The following CIT variants were observed in gnomAD, a reference collection of about 807,000 sequenced individuals.
CIT encodes citron Rho-interacting kinase.
A neutral mutation model predicts 272.7 loss-of-function variants in CIT; 79 were observed. That is an observed-to-expected ratio of 0.29 (90% confidence interval 0.24 to 0.35). The LOEUF is 0.35. Ranked by LOEUF, CIT falls within the 10% of genes least tolerant of loss-of-function variation. The probability of loss-of-function intolerance (pLI) is 1.00; values close to 1 mark genes in which losing one functional copy is unlikely to be tolerated. For synonymous variants in CIT, 948 were observed against 995.6 expected, an observed-to-expected ratio of 0.95 and a Z score of 0.90; for missense variants, 1,909 against 2,618.3, an observed-to-expected ratio of 0.73 and a Z score of 5.91.
At position 119,784,412 on chromosome 12, in the gene CIT, T is replaced by A; in HGVS notation, c.1402-361A>T. The A allele has an allele frequency of 8.2e-7, 1 of 1,221,360 alleles. No individual in the cohort carries two copies. Among genetic ancestry groups the A allele is most frequent in the Non-Finnish European group, 1.0e-6 (1 of 962,182 alleles). The allele number at this position is 1,221,360 out of a possible 1,614,324, so 75.7% of individuals were successfully genotyped here. A position where few individuals can be genotyped will look rare whatever the true frequency, so the allele number is the denominator to read the frequency against. On this transcript the variant is annotated intron_variant, in intron 11 of 47. Coordinates refer to ENST00000392521, the MANE Select transcript of CIT (RefSeq NM_001206999.2). This position sits in a 1 kb window ranked among gnomAD's most constrained non-coding sequence, Gnocchi z 4.7. ...AAATCCATCTTGATCCCCCCCCATC[T>A]CCTTGCAAAGATCTAGAGGACAAAT... is the stretch of plus-strand genomic sequence containing the variant.
chr12:119,689,539 C>T (rs748760278), intron 47 of CIT, among the ~76,000 whole-genome samples: 1 of 152,126 alleles, frequency 6.6e-6, no homozygotes, highest in Non-Finnish European at 1.5e-5. Flanking sequence ...CAGAATATCT[C>T]TAGAAACTGC....
At chr12:119,869,013 T>C (rs1566149622) in intron 3 of CIT, 47 bp downstream of exon 3, 2 of 1,601,024 alleles carry the variant, frequency 1.2e-6, no homozygotes, top group Non-Finnish European at 1.7e-6. Context: ...ATCTTTCTAG[T>C]TTTTCTCTCT....
chr12:119,835,511 G>T (rs779526394), intron 5 of CIT, among the ~76,000 whole-genome samples: 1 of 151,954 alleles, frequency 6.6e-6, no homozygotes, highest in Non-Finnish European at 1.5e-5. Context: ...CCTGTCCTTC[G>T]CCCTGATTTC....
intron 13 of CIT, among the ~76,000 whole-genome samples, chr12:119,780,396 A>ATCAGGAGG (rs1964175870): frequency 6.6e-6 from 1 of 152,180 alleles, no homozygotes; most frequent in Non-Finnish European, 1.5e-5. Context: ...AGGCGGGCAG[A>ATCAGGAGG]TCAGGAGGTC....
At chr12:119,750,855 T>C (rs1442526932) in intron 23 of CIT, among the ~76,000 whole-genome samples, 1 of 152,124 alleles carries the variant, frequency 6.6e-6, no homozygotes, top group East Asian at 1.9e-4. Context: ...TGAATGTACA[T>C]GGCCATTCAT....
chr12:119,694,829 T>TA lies in CIT; in HGVS notation c.5882+2829dup. The stretch of plus-strand genomic sequence containing the variant: ...TCGAAAAAAAATAAATAAATAAAAA[T>TA]AAAAAATAAATAAACAAGGAGGGGA... On this transcript the variant is annotated intron_variant, in intron 46 of 47. Transcript: ENST00000392521. The surrounding 1 kb of genome is among the most constrained non-coding windows in gnomAD (Gnocchi z 4.5). Among the ~76,000 whole-genome samples, 1 of 151,380 alleles carries TA rather than the reference T, an allele frequency of 6.6e-6. No homozygotes were observed.
intron 5 of CIT, among the ~76,000 whole-genome samples, chr12:119,847,071 G>A (rs989145102): frequency 2.6e-5 from 4 of 151,394 alleles, no homozygotes; most frequent in Admixed American, 6.6e-5. Context: ...TGCAAGCTCC[G>A]CCTCCCAGGT....
Position 119,742,417 on chromosome 12 carries a change from G to C in CIT, c.2952C>G (p.Ser984Arg), listed in dbSNP as rs1243805412. Reference sequence around the variant, plus strand: ...TTGGGTAATTAATACTCACAGTACAGCTGTTACGAAGAGCATCAAATTTGC... The same window carrying C: ...TTGGGTAATTAATACTCACAGTACACCTGTTACGAAGAGCATCAAATTTGC... Reference protein sequence around the residue: ...IQRKFDALRNSCTVITDLEEQ... With the variant: ...IQRKFDALRNRCTVITDLEEQ... The change falls in exon 24 of 48, where the codon AGC (serine) becomes AGG (arginine). Residue 984 changes from serine to arginine, a missense_variant. Ser to Arg is a moderately radical substitution (Grantham distance 110). Coordinates refer to ENST00000392521, the MANE Select transcript of CIT (RefSeq NM_001206999.2). The C allele has an allele frequency of 1.2e-6, 2 of 1,608,990 alleles. No homozygotes were observed. The highest frequency in any genetic ancestry group is 1.7e-5 in the Admixed American group (1 of 58,764).
chr12:119,761,139 G>A, intron 19 of CIT, 84 bp from the exon 20 acceptor site: 2 of 1,057,144 alleles, frequency 1.9e-6, no homozygotes, highest in East Asian at 2.4e-5. Flanking sequence ...AGAAAATCTA[G>A]GAAAGAGGAG....
Position 119,784,447 on chromosome 12 carries a change from G to T in CIT, c.1402-396C>A. The stretch of plus-strand genomic sequence containing the variant: ...GATCTAGAGGACAAATCCAGGACAG[G>T]GCAAGGAGATATTTATTCGTCTGCA... On this transcript the variant is annotated intron_variant, in intron 11 of 47. Coordinates refer to ENST00000392521, the MANE Select transcript of CIT (RefSeq NM_001206999.2). The surrounding 1 kb of genome is among the most constrained non-coding windows in gnomAD (Gnocchi z 4.7). 2.5e-6 allele frequency: 3 copies of T among 1,203,248 alleles called. No homozygotes were observed. Among genetic ancestry groups the T allele is most frequent in the Non-Finnish European group, 3.1e-6 (3 of 952,844 alleles). The allele number at this position is 1,203,248 out of a possible 1,614,324, so 74.5% of individuals were successfully genotyped here.
At chr12:119,743,099 G>C (rs952710859) in intron 23 of CIT, among the ~76,000 whole-genome samples, 5 of 152,116 alleles carry the variant, frequency 3.3e-5, no homozygotes, top group Non-Finnish European at 1.5e-5. Context: ...CATACTATAT[G>C]CTTGACACTG....
At chr12:119,818,180 G>C (rs192488467) in intron 9 of CIT, among the ~76,000 whole-genome samples, 65 of 152,198 alleles carry the variant, frequency 4.3e-4, no homozygotes, top group African/African-American at 1.5e-3. Flanking sequence ...CTGTAAAATG[G>C]GTATAATAAT....
intron 9 of CIT, among the ~76,000 whole-genome samples, chr12:119,818,137 A>G (rs1262641743): frequency 6.6e-6 from 1 of 152,202 alleles, no homozygotes; most frequent in Non-Finnish European, 1.5e-5. Context: ...CACTTGCCCT[A>G]TGACCTTGGC....
At chr12:119,744,565 A>C (rs907538807) in intron 23 of CIT, among the ~76,000 whole-genome samples, 1 of 151,760 alleles carries the variant, frequency 6.6e-6, no homozygotes, top group Non-Finnish European at 1.5e-5. Flanking sequence ...AAATACAAAA[A>C]ATTAGCTGGG....
intron 28 of CIT, among the ~76,000 whole-genome samples, chr12:119,726,710 C>T (rs1958132959): frequency 6.6e-6 from 1 of 152,054 alleles, no homozygotes; most frequent in African/African-American, 2.4e-5. Flanking sequence ...TCTTTGGAGT[C>T]CAATTTTTCA....
intron 5 of CIT, among the ~76,000 whole-genome samples, chr12:119,841,310 G>A (rs1017164325): frequency 6.6e-6 from 1 of 151,894 alleles, no homozygotes. Flanking sequence ...GAGTAGCTCG[G>A]ATTACAGGTA....
At chr12:119,769,164 C>A (rs1443661598) in intron 18 of CIT, among the ~76,000 whole-genome samples, 1 of 144,958 alleles carries the variant, frequency 6.9e-6, no homozygotes. Flanking sequence ...ACTCAGGTAT[C>A]TGAGACTGAC....
intron 10 of CIT, among the ~76,000 whole-genome samples, chr12:119,798,746 A>G (rs1965947311): frequency 6.6e-6 from 1 of 152,226 alleles, no homozygotes; most frequent in South Asian, 2.1e-4. Context: ...TTGAGATCAC[A>G]GTCTACTTGG....
chr12:119,774,434 T>C (rs1963529070), intron 16 of CIT, among the ~76,000 whole-genome samples: 1 of 152,154 alleles, frequency 6.6e-6, no homozygotes, highest in Admixed American at 6.5e-5. Context: ...ATTAAGCATT[T>C]CCAGTGTTCA....
Sources: gnomAD v4.1 joint callset for allele counts (sites outside exome capture counted in the v4.1 genomes callset) on GRCh38, gnomAD v4.1.1 for gene constraint, Gnocchi (gnomAD v3.1) non-coding constraint, MANE v1.5 for transcripts, NCBI Gene and HGNC (gene_info 2026-07-23, HGNC 2026-07-21) for gene names.